SLC35F3: variants seen among roughly 807,000 people sequenced by gnomAD.
SLC35F3 encodes the protein solute carrier family 35 member F3.
Under a neutral mutation model 49.9 loss-of-function variants are expected in SLC35F3, and 25 were observed. The observed-to-expected ratio is 0.50, with a 90% CI of 0.37 to 0.70. The LOEUF (loss-of-function observed/expected upper bound fraction) is 0.70, where lower values mean the gene tolerates loss of function less well. SLC35F3 is among the 30% of genes least tolerant of loss of function. The pLI is 0.00. For synonymous variants in SLC35F3, 275 were observed against 265.4 expected, an observed-to-expected ratio of 1.04 and a Z score of -0.35; for missense variants, 525 against 639.8, an observed-to-expected ratio of 0.82 and a Z score of 1.94.
chr1:234,105,779 A>G (rs1473928736), intron 2 of SLC35F3, among the ~76,000 whole-genome samples: 2 of 152,188 alleles, frequency 1.3e-5, no homozygotes, highest in African/African-American at 2.4e-5. Flanking sequence ...CCCTCCCTGG[A>G]GGAGTATTGT....
At chr1:234,118,855 A>T (rs1477299795) in intron 2 of SLC35F3, among the ~76,000 whole-genome samples, 1 of 151,866 alleles carries the variant, frequency 6.6e-6, no homozygotes, top group Non-Finnish European at 1.5e-5. Flanking sequence ...AGTGACAAAT[A>T]AGCAAATTAT....
In SLC35F3 at chr1:234,234,542, CA is replaced by C. The variant is rs562890291; in HGVS notation, c.608+2802del. Among the ~76,000 whole-genome samples, 17 of 152,306 alleles carry C rather than the reference CA, an allele frequency of 1.1e-4. No homozygotes were observed. The South Asian group carries it at 3.5e-3, about 32-fold the overall frequency. ...CCAGGGAATCCTAGTGCTGCTGGCC[CA>C]CAGGCTGCACTTTAACTGTAAATGC... On this transcript the variant is annotated intron_variant, in intron 3 of 7. Coordinates refer to ENST00000366618, the MANE Select transcript of SLC35F3 (RefSeq NM_173508.4).
At chr1:234,296,294 G>A (rs2102988161) in intron 3 of SLC35F3, among the ~76,000 whole-genome samples, 1 of 151,976 alleles carries the variant, frequency 6.6e-6, no homozygotes, top group South Asian at 2.1e-4. Flanking sequence ...GCAAGGGATG[G>A]TCCTATGGGG....
intron 2 of SLC35F3, among the ~76,000 whole-genome samples, chr1:233,998,399 G>T (rs562601335): frequency 1.3e-5 from 2 of 151,454 alleles, no homozygotes; most frequent in Non-Finnish European, 2.9e-5. Flanking sequence ...AAATCATGTC[G>T]GATTTTTCTC....
Position 234,036,331 on chromosome 1 carries a change from A to C in SLC35F3, c.283+130573A>C, listed in dbSNP as rs566430410. On this transcript the variant is annotated intron_variant, in intron 2 of 7. Transcript: ENST00000366618. ...TCCTCCCAGCTTAGCGTCCCAAGTC[A>C]CTGAGATTACAGGCATGAGCCACCA... Among the ~76,000 whole-genome samples, 3 of 152,212 alleles carry C rather than the reference A, an allele frequency of 2.0e-5. No homozygotes were observed. In the East Asian group the frequency reaches 5.8e-4, roughly 30 times the overall value.
chr1:234,108,590 A>ATATATTATT lies in SLC35F3; in HGVS notation c.284-122825_284-122824insTATTATTTA. Among the ~76,000 whole-genome samples the ATATATTATT allele has an allele frequency of 1.8e-5, 2 of 110,738 alleles. 1 individual carries two copies. The highest frequency in any genetic ancestry group is 8.5e-5 in the African/African-American group (2 of 23,458). 72.6% of individuals were successfully genotyped at this position (110,738 alleles called of 152,430 possible). On this transcript the variant is annotated intron_variant, in intron 2 of 7. Coordinates refer to ENST00000366618, the MANE Select transcript of SLC35F3 (RefSeq NM_173508.4). ...TATATTATTTATATATATAAAAGAT[A>ATATATTATT]TACATATAAAAGATATATATTTATA...
At position 234,310,188 on chromosome 1, in the gene SLC35F3, A is replaced by G. The variant is rs182338067; in HGVS notation, c.828+868A>G. Among the ~76,000 whole-genome samples the G allele has an allele frequency of 4.5e-3, 687 of 152,268 alleles. 6 individuals are homozygous for G. Among genetic ancestry groups the G allele is most frequent in the African/African-American group, 0.014 (599 of 41,544 alleles). ...CTTGCTACAAACCAGCGCCGAGAGC[A>G]TTTAGCCAGGCCGCTAGTTCTCCTG... On this transcript the variant is annotated intron_variant, in intron 4 of 7. Coordinates refer to ENST00000366618, the MANE Select transcript of SLC35F3 (RefSeq NM_173508.4).
rs1657695275 is a variant in SLC35F3, at chr1:234,323,961, G to A, written c.*718G>A. The stretch of plus-strand genomic sequence containing the variant: ...CTTTACCTATGTGAAGCGAGGTGAC[G>A]TGATACGTCACTGGCGCCGTCTTAT... On this transcript the variant is annotated 3_prime_UTR_variant, in exon 8 of 8. Coordinates refer to ENST00000366618, the MANE Select transcript of SLC35F3 (RefSeq NM_173508.4). This position sits in a 1 kb window ranked among gnomAD's most constrained non-coding sequence, Gnocchi z 4.5. 6.6e-6 allele frequency: 1 copy of A among 152,292 alleles called. No individual in the cohort carries two copies. The highest frequency in any genetic ancestry group is 6.5e-5 in the Admixed American group (1 of 15,294). 9.4% of individuals were successfully genotyped at this position (152,292 alleles called of 1,614,324 possible).
chr1:234,150,402 G>A (rs997741204), intron 2 of SLC35F3, among the ~76,000 whole-genome samples: 7 of 152,116 alleles, frequency 4.6e-5, no homozygotes, highest in East Asian at 1.9e-4. Flanking sequence ...ATTTCCAGCC[G>A]ATGCTACACC....
At chr1:234,253,063 C>T (rs1233890057) in intron 3 of SLC35F3, among the ~76,000 whole-genome samples, 2 of 152,194 alleles carry the variant, frequency 1.3e-5, no homozygotes, top group South Asian at 2.1e-4. Flanking sequence ...CAGTGGCTCA[C>T]GCCTGTAATC....
At chr1:234,274,270 G>C (rs1308711915) in intron 3 of SLC35F3, 1 of 152,218 alleles carries the variant, frequency 6.6e-6, no homozygotes, top group African/African-American at 2.4e-5. Flanking sequence ...TGTGTATTCA[G>C]CGTCACCAAA....
At chr1:234,121,253 C>G (rs1028255144) in intron 2 of SLC35F3, among the ~76,000 whole-genome samples, 6 of 150,688 alleles carry the variant, frequency 4.0e-5, no homozygotes, top group African/African-American at 1.5e-4. Context: ...TCTCCTGCCT[C>G]AGCCTCCTCA....
intron 2 of SLC35F3, among the ~76,000 whole-genome samples, chr1:233,979,311 C>T (rs1044486613): frequency 6.6e-6 from 1 of 152,108 alleles, no homozygotes; most frequent in South Asian, 2.1e-4. Context: ...ATTTTTAACT[C>T]TGCCAAAATG....
chr1:234,319,150 C>T (rs1171176330), intron 6 of SLC35F3, among the ~76,000 whole-genome samples: 1 of 152,210 alleles, frequency 6.6e-6, no homozygotes, highest in Non-Finnish European at 1.5e-5. Flanking sequence ...GCAGTAGTCG[C>T]AGTGGTCACT....
chr1:234,155,536 A>G (rs1042635886), intron 2 of SLC35F3, among the ~76,000 whole-genome samples: 6 of 152,176 alleles, frequency 3.9e-5, no homozygotes, highest in African/African-American at 1.4e-4. Context: ...CAGTTTCCCA[A>G]GTAGCTGGGA....
chr1:234,020,987 T>C (rs1354722216), intron 2 of SLC35F3, among the ~76,000 whole-genome samples: 1 of 152,230 alleles, frequency 6.6e-6, no homozygotes, highest in Non-Finnish European at 1.5e-5. Context: ...GAAGGCCGCA[T>C]AAAGGCATAG....
chr1:234,231,493 G>A lies in SLC35F3; in HGVS notation c.360G>A (p.Ala120=), dbSNP rs1165603515. The change falls in exon 3 of 8, where the codon GCG becomes GCA. Residue 120 remains alanine, a synonymous_variant. Transcript: ENST00000366618. The surrounding 1 kb of genome is among the most constrained non-coding windows in gnomAD (Gnocchi z 5.4). ...CCGGGGTGGAGGCCGGCGGGAGAGC[G>A]AGTCGCCGCTGCTGGACGTGCTCCC... The part of the protein sequence containing the change: ...APAGVEAGGR[A]SRRCWTCSRA... 3.7e-6 allele frequency: 6 copies of A among 1,612,640 alleles called. No homozygotes were observed. Among genetic ancestry groups the A allele is most frequent in the Middle Eastern group, 3.3e-4 (2 of 6,052 alleles).
intron 2 of SLC35F3, among the ~76,000 whole-genome samples, chr1:234,212,437 T>C (rs1218784623): frequency 6.6e-6 from 1 of 152,228 alleles, no homozygotes; most frequent in Non-Finnish European, 1.5e-5. Context: ...TTTTTGCATT[T>C]TATCTCTCCA....
intron 3 of SLC35F3, among the ~76,000 whole-genome samples, chr1:234,256,917 G>T (rs1435420820): frequency 6.6e-6 from 1 of 152,224 alleles, no homozygotes; most frequent in Non-Finnish European, 1.5e-5. Context: ...GCCTGTCCCA[G>T]TGGCCACGCT....
Sources: allele counts gnomAD v4.1 joint callset (sites outside exome capture counted in the v4.1 genomes callset), GRCh38; gene constraint gnomAD v4.1.1; non-coding constraint Gnocchi (gnomAD v3.1); transcripts MANE v1.5; gene names NCBI Gene and HGNC (gene_info 2026-07-23, HGNC 2026-07-21).